Variants in BBS9 observed in about 807,000 individuals in gnomAD.
BBS9 encodes the protein protein PTHB1.
A neutral mutation model predicts 117.7 loss-of-function variants in BBS9; 89 were observed. The observed-to-expected ratio is 0.76, with a 90% CI of 0.64 to 0.90. The LOEUF (loss-of-function observed/expected upper bound fraction) is 0.90, where lower values mean the gene tolerates loss of function less well. Ranked by LOEUF, BBS9 falls within the 40% of genes least tolerant of loss-of-function variation. BBS9 has a pLI of 0.00. For synonymous variants in BBS9, 379 were observed against 370.9 expected, an observed-to-expected ratio of 1.02 and a Z score of -0.25; for missense variants, 982 against 1,042.2, an observed-to-expected ratio of 0.94 and a Z score of 0.80.
chr7:33,416,065 C>T (rs1220074363), intron 19 of BBS9, among the ~76,000 whole-genome samples: 1 of 152,042 alleles, frequency 6.6e-6, no homozygotes, highest in Non-Finnish European at 1.5e-5. Context: ...AATTCCTGGG[C>T]TCAAGCAATC....
At chr7:33,210,858 C>G (rs1399761055) in intron 5 of BBS9, among the ~76,000 whole-genome samples, 1 of 152,028 alleles carries the variant, frequency 6.6e-6, no homozygotes, top group African/African-American at 2.4e-5. Flanking sequence ...TCTGGGTGCT[C>G]CAGTGTTGAG....
intron 5 of BBS9, among the ~76,000 whole-genome samples, chr7:33,205,529 A>G (rs1786740565): frequency 1.3e-5 from 2 of 152,172 alleles, no homozygotes; most frequent in Non-Finnish European, 2.9e-5. Flanking sequence ...GATACCCCTA[A>G]GTGGGAAACC....
intron 21 of BBS9, among the ~76,000 whole-genome samples, chr7:33,545,735 A>G (rs1322965044): frequency 2.0e-5 from 3 of 152,104 alleles, no homozygotes; most frequent in African/African-American, 7.2e-5. Flanking sequence ...ATTTAAAATC[A>G]TTAATAATCT....
At chr7:33,632,955 G>C (rs1865963453) in intron 21 of BBS9, among the ~76,000 whole-genome samples, 1 of 152,136 alleles carries the variant, frequency 6.6e-6, no homozygotes, top group Admixed American at 6.5e-5. Flanking sequence ...TTGTGACAAA[G>C]GATCAAGGAA....
In BBS9 at chr7:33,513,137, C is replaced by A. The variant is rs190414162; in HGVS notation, c.2298+7492C>A. Among the ~76,000 whole-genome samples, 7 of 152,294 alleles carry A rather than the reference C, an allele frequency of 4.6e-5. No homozygotes were observed. In the East Asian group the frequency reaches 7.7e-4, roughly 17 times the overall value. ...ATTTTATGTGACTCCCCGGCTACCC[C>A]CTTCATTCTGGGAAATGTGAACCAT... On this transcript the variant is annotated intron_variant, in intron 20 of 22. Coordinates refer to ENST00000242067, the MANE Select transcript of BBS9 (RefSeq NM_198428.3).
In BBS9 at chr7:33,264,379, G is replaced by A; in HGVS notation, c.702+5G>A. The A allele has an allele frequency of 6.4e-7, 1 of 1,556,918 alleles. No homozygotes were observed. On this transcript the variant is annotated splice_donor_5th_base_variant and intron_variant, in intron 7 of 22. Coordinates refer to ENST00000242067, the MANE Select transcript of BBS9 (RefSeq NM_198428.3). ...GGTTCTGGAAAAAGACTAGTTGTAA[G>A]GCCTTTTTTTAATATATAAAAATTT...
chr7:33,168,767 T>G (rs1796075863), intron 4 of BBS9, among the ~76,000 whole-genome samples: 1 of 152,180 alleles, frequency 6.6e-6, no homozygotes, highest in African/African-American at 2.4e-5. Flanking sequence ...CATATCTTTG[T>G]GCTTTTTTAA....
rs1282010368 is a variant in BBS9 at position 33,191,249 on chromosome 7, C to T, written c.442+13658C>T. 2.0e-5 allele frequency among the ~76,000 whole-genome samples: 3 copies of T among 152,108 alleles called. No individual in the cohort carries two copies. In the East Asian group the frequency reaches 5.8e-4, roughly 29 times the overall value. The stretch of plus-strand genomic sequence containing the variant: ...GTGCAGTTTTTCAGGGTATGCAAAA[C>T]AGGCTGAAAATATCCTTATTTGGGC... On this transcript the variant is annotated intron_variant, in intron 5 of 22. Transcript: ENST00000242067.
intron 19 of BBS9, among the ~76,000 whole-genome samples, chr7:33,400,076 C>T (rs1352890421): frequency 3.3e-5 from 5 of 152,006 alleles, no homozygotes; most frequent in Non-Finnish European, 7.4e-5. Context: ...GCTTGAACAA[C>T]TGGCTGTATT....
intron 21 of BBS9, among the ~76,000 whole-genome samples, chr7:33,540,489 C>G (rs572966780): frequency 6.6e-6 from 1 of 152,204 alleles, no homozygotes; most frequent in Non-Finnish European, 1.5e-5. Context: ...ACTATCCCTG[C>G]GTGTTAGAAT....
At chr7:33,529,628 C>G (rs1212865081) in intron 20 of BBS9, among the ~76,000 whole-genome samples, 1 of 152,052 alleles carries the variant, frequency 6.6e-6, no homozygotes, top group Admixed American at 6.6e-5. Flanking sequence ...CATCCCCTTC[C>G]CTTCCCCAGT....
rs78618312 is a variant in BBS9, at chr7:33,232,001, A to G, written c.443-25235A>G. Among the ~76,000 whole-genome samples the G allele has an allele frequency of 5.6e-3, 847 of 152,202 alleles. 5 individuals are homozygous for G. Among genetic ancestry groups the G allele is most frequent in the African/African-American group, 0.019 (789 of 41,544 alleles). ...AAAATCACCCCTACTGCTCAACATT[A>G]TAGGATGAATATTAACAAAAATTAA... On this transcript the variant is annotated intron_variant, in intron 5 of 22. Transcript: ENST00000242067.
At chr7:33,599,427 CA>C (rs1414437313) in intron 21 of BBS9, among the ~76,000 whole-genome samples, 1 of 152,148 alleles carries the variant, frequency 6.6e-6, no homozygotes, top group Non-Finnish European at 1.5e-5. Context: ...TGAAAATAGT[CA>C]GTGAAATTTT....
At chr7:33,359,565 G>A (rs536191463) in intron 16 of BBS9, among the ~76,000 whole-genome samples, 1 of 152,130 alleles carries the variant, frequency 6.6e-6, no homozygotes, top group South Asian at 2.1e-4. Context: ...ATATGATATA[G>A]AGTGGTTTTT....
intron 18 of BBS9, among the ~76,000 whole-genome samples, chr7:33,384,211 G>T (rs1388026218): frequency 6.6e-6 from 1 of 152,186 alleles, no homozygotes; most frequent in Non-Finnish European, 1.5e-5. Context: ...AAAGTAAAGT[G>T]ATTTTTCTTT....
chr7:33,512,350 A>G (rs577803090), intron 20 of BBS9, among the ~76,000 whole-genome samples: 54 of 152,346 alleles, frequency 3.5e-4, no homozygotes, highest in African/African-American at 1.3e-3. Flanking sequence ...CTTTCTTTAC[A>G]TCAAATATTG....
rs55914508 is a variant in BBS9, at chr7:33,595,999, C to T, written c.2522-8866C>T. On this transcript the variant is annotated intron_variant, in intron 21 of 22. Transcript: ENST00000242067. ...GAACACATGGACACAAGGAGGGGAA[C>T]AACACACACTGGGGCCAGTCATGGG... Among the ~76,000 whole-genome samples the T allele has an allele frequency of 7.6e-4, 116 of 151,902 alleles. 1 individual carries two copies. The highest frequency in any genetic ancestry group is 3.4e-3 in the Middle Eastern group (1 of 294).
chr7:33,211,008 T>G (rs1039074978), intron 5 of BBS9, among the ~76,000 whole-genome samples: 11 of 152,240 alleles, frequency 7.2e-5, no homozygotes, highest in African/African-American at 2.7e-4. Flanking sequence ...TCTTTTGATT[T>G]CCATTTGCAT....
At chr7:33,416,983 T>C (rs1012762277) in intron 19 of BBS9, among the ~76,000 whole-genome samples, 7 of 152,174 alleles carry the variant, frequency 4.6e-5, no homozygotes, top group African/African-American at 1.7e-4. Flanking sequence ...GGACCATAGG[T>C]GAGACAGTCA....
Sources: gnomAD v4.1 joint callset for allele counts (sites outside exome capture counted in the v4.1 genomes callset) on GRCh38, gnomAD v4.1.1 for gene constraint, MANE v1.5 for transcripts, NCBI Gene and HGNC (gene_info 2026-07-23, HGNC 2026-07-21) for gene names.